The following SORBS2 variants were observed in gnomAD, a reference collection of about 807,000 sequenced individuals.
SORBS2 encodes the protein sorbin and SH3 domain-containing protein 2.
A neutral mutation model predicts 97.7 loss-of-function variants in SORBS2; 46 were observed. The ratio of observed to expected loss-of-function variants is 0.47; its 90% confidence interval spans 0.37 to 0.60. The LOEUF (loss-of-function observed/expected upper bound fraction) is 0.60, where lower values mean the gene tolerates loss of function less well. Ranked by LOEUF, SORBS2 falls within the 20% of genes least tolerant of loss-of-function variation. SORBS2 has a pLI of 0.00. For missense variants in SORBS2, 1,316 were observed against 1,282.3 expected, an observed-to-expected ratio of 1.03 and a Z score of -0.40; for synonymous variants, 476 against 473.4, an observed-to-expected ratio of 1.01 and a Z score of -0.07.
intron 2 of SORBS2, among the ~76,000 whole-genome samples, chr4:185,759,949 A>G (rs2098861604): frequency 6.6e-6 from 1 of 152,102 alleles, no homozygotes; most frequent in Admixed American, 6.5e-5. Flanking sequence ...TCTATAAAAT[A>G]CTCTATGCCA....
chr4:185,933,251 T>C (rs1376602510), intron 1 of SORBS2: 1 of 152,350 alleles, frequency 6.6e-6, no homozygotes, highest in South Asian at 2.1e-4. Context: ...AGTGATCTCA[T>C]GTCTACTCGA....
At chr4:185,807,179 A>C (rs1466219101) in intron 1 of SORBS2, among the ~76,000 whole-genome samples, 1 of 152,204 alleles carries the variant, frequency 6.6e-6, no homozygotes, top group East Asian at 1.9e-4. Context: ...TCTTTGTTAA[A>C]AATAAGTTTC....
At chr4:185,602,302 C>G (rs2096282278) in intron 12 of SORBS2, among the ~76,000 whole-genome samples, 1 of 152,140 alleles carries the variant, frequency 6.6e-6, no homozygotes, top group Non-Finnish European at 1.5e-5. Context: ...GCCACCGTGC[C>G]CAGCCAATTT....
chr4:185,876,253 A>T (rs2099233602), intron 1 of SORBS2, among the ~76,000 whole-genome samples: 1 of 152,016 alleles, frequency 6.6e-6, no homozygotes, highest in South Asian at 2.1e-4. Flanking sequence ...GATTACAGGC[A>T]TGTGCCACCT....
chr4:185,712,370 C>A (rs2098427877), intron 2 of SORBS2, among the ~76,000 whole-genome samples: 1 of 152,180 alleles, frequency 6.6e-6, no homozygotes, highest in Non-Finnish European at 1.5e-5. Flanking sequence ...CTGTTCAGCT[C>A]CCCTTCCCAC....
intron 8 of SORBS2, among the ~76,000 whole-genome samples, chr4:185,619,343 T>A (rs554869068): frequency 1.3e-5 from 2 of 152,264 alleles, no homozygotes; most frequent in Non-Finnish European, 2.9e-5. Context: ...TTCACTCCAT[T>A]CTTTTCCCCC....
intron 2 of SORBS2, among the ~76,000 whole-genome samples, chr4:185,734,684 G>A (rs2098671144): frequency 6.6e-6 from 1 of 152,130 alleles, no homozygotes; most frequent in South Asian, 2.1e-4. Context: ...TAGGATGATG[G>A]GGAGAGGAGG....
intron 4 of SORBS2, chr4:185,666,240 T>C (rs76458992): frequency 0.021 from 23,023 of 1,103,738 alleles, 317 homozygotes; most frequent in Non-Finnish European, 0.024. Context: ...AGAGATAAAT[T>C]ATCCAATTAA....
chr4:185,682,709 G>A (rs2097889119), intron 2 of SORBS2, among the ~76,000 whole-genome samples: 1 of 152,052 alleles, frequency 6.6e-6, no homozygotes, highest in South Asian at 2.1e-4. Flanking sequence ...AAATATAATG[G>A]AAGCTTCTTT....
intron 5 of SORBS2, 114 bp from the exon 18 acceptor site, chr4:185,627,133 C>A: frequency 1.2e-6 from 1 of 808,622 alleles, no homozygotes; most frequent in Non-Finnish European, 2.1e-6. Context: ...CCTCTATCCC[C>A]AAAACTGCAT....
intron 2 of SORBS2, among the ~76,000 whole-genome samples, chr4:185,737,045 T>C (rs2153580285): frequency 6.6e-6 from 1 of 152,340 alleles, no homozygotes; most frequent in South Asian, 2.1e-4. Context: ...TCTGAGTTTC[T>C]AACCTCCTTC....
At chr4:185,610,614 C>A (rs911500892) in intron 12 of SORBS2, among the ~76,000 whole-genome samples, 1 of 152,148 alleles carries the variant, frequency 6.6e-6, no homozygotes, top group Non-Finnish European at 1.5e-5. Flanking sequence ...ATTCTTAGAT[C>A]ATTTCCTCAT....
At chr4:185,825,121 G>T (rs1186936188) in intron 1 of SORBS2, among the ~76,000 whole-genome samples, 1 of 152,122 alleles carries the variant, frequency 6.6e-6, no homozygotes, top group Non-Finnish European at 1.5e-5. Flanking sequence ...GTAATCTAAA[G>T]CAGTTACTGC....
chr4:185,884,584 G>A (rs1048561481), intron 1 of SORBS2, among the ~76,000 whole-genome samples: 11 of 152,216 alleles, frequency 7.2e-5, no homozygotes, highest in African/African-American at 2.7e-4. Context: ...GTAGAGGTGA[G>A]AATATGATTT....
intron 1 of SORBS2, among the ~76,000 whole-genome samples, chr4:185,883,345 G>A (rs1328332491): frequency 6.6e-6 from 1 of 152,100 alleles, no homozygotes; most frequent in Non-Finnish European, 1.5e-5. Flanking sequence ...ACCACAATGA[G>A]GTACCACTAC....
intron 2 of SORBS2, among the ~76,000 whole-genome samples, chr4:185,760,487 T>C (rs891166331): frequency 1.3e-5 from 2 of 152,146 alleles, no homozygotes; most frequent in Non-Finnish European, 1.5e-5. Flanking sequence ...CACTTGAACC[T>C]GGGAGGCGGA....
intron 1 of SORBS2, among the ~76,000 whole-genome samples, chr4:185,942,722 C>G (rs2099272726): frequency 6.6e-6 from 1 of 152,148 alleles, no homozygotes; most frequent in African/African-American, 2.4e-5. Context: ...CCACCTTTGC[C>G]CCTTATTTTA....
Position 185,632,038 on chromosome 4 carries a change from A to T in SORBS2, c.397-1440T>A, listed in dbSNP as rs558139150. 3.9e-5 allele frequency among the ~76,000 whole-genome samples: 6 copies of T among 152,358 alleles called. No individual in the cohort carries two copies. In the South Asian group the frequency reaches 1.2e-3, roughly 32 times the overall value. ...CCATCATCTAGAAACATTTTATCAGAGTATTAAACATCTACTTAGTGGAAA... is the reference window on the plus strand; with the variant it reads ...CCATCATCTAGAAACATTTTATCAGTGTATTAAACATCTACTTAGTGGAAA... On this transcript the variant is annotated intron_variant, in intron 4 of 14. Transcript: ENST00000418609.
At chr4:185,798,826 T>C (rs1440473950) in intron 1 of SORBS2, among the ~76,000 whole-genome samples, 2 of 152,194 alleles carry the variant, frequency 1.3e-5, no homozygotes, top group African/African-American at 2.4e-5. Context: ...AAGTTCTACA[T>C]GTCTAAACGT....
Sources: allele counts gnomAD v4.1 joint callset (sites outside exome capture counted in the v4.1 genomes callset), GRCh38; gene constraint gnomAD v4.1.1; transcripts MANE v1.5; gene names NCBI Gene and HGNC (gene_info 2026-07-23, HGNC 2026-07-21).